Variants in RHOH observed in about 807,000 individuals in gnomAD.
The protein encoded by RHOH is rho-related GTP-binding protein RhoH.
A neutral mutation model predicts 13.8 loss-of-function variants in RHOH; 6 were observed. The ratio of observed to expected loss-of-function variants is 0.44; its 90% CI spans 0.24 to 0.86. The LOEUF is 0.86. RHOH is among the 40% of genes least tolerant of loss of function. The pLI is 0.24. For synonymous variants in RHOH, 117 were observed against 103.0 expected (o/e 1.14, Z -0.82); for missense variants, 147 against 244.5 (o/e 0.60, Z 2.66).
chr4:40,223,539 T>G (rs1015980226), intron 1 of RHOH, among the ~76,000 whole-genome samples: 3 of 145,176 alleles, frequency 2.1e-5, no homozygotes, highest in African/African-American at 7.6e-5. Context: ...GGTGCAATCA[T>G]AGCTCACTGT....
intron 1 of RHOH, 99 bp downstream of exon 1, chr4:40,197,399 T>C (rs2109340287): frequency 6.6e-6 from 1 of 151,914 alleles, no homozygotes; most frequent in Admixed American, 6.6e-5. Context: ...GTAATGACTC[T>C]GAGCTACCTG....
At chr4:40,238,747 T>C (rs577504948) in intron 1 of RHOH, among the ~76,000 whole-genome samples, 1 of 152,336 alleles carries the variant, frequency 6.6e-6, no homozygotes, top group East Asian at 1.9e-4. Context: ...CCACTCAGTG[T>C]CATCACCCAT....
chr4:40,239,573 A>T (rs6831752), intron 1 of RHOH, among the ~76,000 whole-genome samples: 1 of 152,148 alleles, frequency 6.6e-6, no homozygotes, highest in African/African-American at 2.4e-5. Flanking sequence ...TATATTATGC[A>T]CCTGCTAAGA....
intron 1 of RHOH, among the ~76,000 whole-genome samples, chr4:40,202,055 A>G (rs912663141): frequency 1.3e-4 from 18 of 141,088 alleles, no homozygotes; most frequent in African/African-American, 4.5e-4. Flanking sequence ...TGCTCATTTG[A>G]TCCTCCTGCC....
upstream of RHOH, among the ~76,000 whole-genome samples, chr4:40,192,403 C>T (rs1035085766): frequency 6.6e-6 from 1 of 152,186 alleles, no homozygotes; most frequent in Non-Finnish European, 1.5e-5. Flanking sequence ...AGGCATCTTA[C>T]TAACCCAGCG....
At position 40,210,089 on chromosome 4, in the gene RHOH, C is replaced by CGTGTGTGTGTGTGT. The variant is rs5857717; in HGVS notation, c.-331+12810_-331+12823dup. Among the ~76,000 whole-genome samples, 98 of 145,548 alleles carry CGTGTGTGTGTGTGT rather than the reference C, an allele frequency of 6.7e-4. No individual in the cohort carries two copies. In the Middle Eastern group the frequency reaches 0.014, roughly 21 times the overall value. On this transcript the variant is annotated intron_variant, in intron 1 of 2. Transcript: ENST00000381799. Reference sequence around the variant, plus strand: ...GTAATATTCCTGATTACATTGTGTGCGTGTGTGTGTGTGTGTGTGTGTGTG... The same window carrying CGTGTGTGTGTGTGT: ...GTAATATTCCTGATTACATTGTGTGCGTGTGTGTGTGTGTGTGTGTGTGTGTGTGTGTGTGTGTG...
At chr4:40,232,851 C>A (rs1397659988) in intron 1 of RHOH, among the ~76,000 whole-genome samples, 1 of 152,176 alleles carries the variant, frequency 6.6e-6, no homozygotes, top group Admixed American at 6.5e-5. Context: ...CCTTTCTTCT[C>A]TGTTGCTTAT....
chr4:40,196,488 G>A (rs927447570), upstream of RHOH, among the ~76,000 whole-genome samples: 9 of 152,116 alleles, frequency 5.9e-5, no homozygotes, highest in Admixed American at 4.6e-4. Flanking sequence ...CCAGGTGCTC[G>A]TCCATACAGG....
chr4:40,207,099 C>T (rs1005330500), intron 1 of RHOH, among the ~76,000 whole-genome samples: 3 of 151,526 alleles, frequency 2.0e-5, no homozygotes, highest in South Asian at 4.2e-4. Context: ...CCCAGCTACT[C>T]GGGAGGCTGA....
chr4:40,213,970 T>G (rs989072035), intron 1 of RHOH, among the ~76,000 whole-genome samples: 2 of 152,178 alleles, frequency 1.3e-5, no homozygotes, highest in Non-Finnish European at 2.9e-5. Flanking sequence ...TTGGCCAGAC[T>G]GCTCTCAAAC....
intron 1 of RHOH, among the ~76,000 whole-genome samples, chr4:40,207,229 C>T (rs1394756885): frequency 1.3e-5 from 2 of 151,704 alleles, no homozygotes; most frequent in African/African-American, 4.8e-5. Flanking sequence ...AAGTCATCAT[C>T]CCAGTGTTTT....
intron 1 of RHOH, among the ~76,000 whole-genome samples, chr4:40,228,459 A>T (rs1579305931): frequency 1.3e-5 from 2 of 152,218 alleles, no homozygotes; most frequent in East Asian, 3.8e-4. Context: ...TAGGGAGGTC[A>T]TCTTCAATCT....
At chr4:40,201,596 T>C (rs539244327) in intron 1 of RHOH, among the ~76,000 whole-genome samples, 5 of 152,298 alleles carry the variant, frequency 3.3e-5, no homozygotes, top group Non-Finnish European at 4.4e-5. Context: ...TGGCTTGAAA[T>C]TGGCTATGGT....
At chr4:40,215,149 C>G (rs1321847915) in intron 1 of RHOH, among the ~76,000 whole-genome samples, 1 of 152,150 alleles carries the variant, frequency 6.6e-6, no homozygotes, top group East Asian at 1.9e-4. Context: ...AACTGCAACA[C>G]CATATGTCCA....
intron 1 of RHOH, among the ~76,000 whole-genome samples, chr4:40,227,297 A>G (rs146199044): frequency 1.3e-5 from 2 of 152,372 alleles, no homozygotes; most frequent in East Asian, 3.9e-4. Context: ...ATAATTTGGC[A>G]TGTCTATCTA....
At chr4:40,232,523 G>C (rs561917705) in intron 1 of RHOH, among the ~76,000 whole-genome samples, 11 of 152,256 alleles carry the variant, frequency 7.2e-5, no homozygotes, top group African/African-American at 2.6e-4. Context: ...CCAAAGTGCT[G>C]GGATTATAGG....
intron 1 of RHOH, among the ~76,000 whole-genome samples, chr4:40,213,740 CT>C (rs1228104709): frequency 6.6e-6 from 1 of 151,930 alleles, no homozygotes. Context: ...AATTTTCCTT[CT>C]TCTAGTTCCT....
intron 1 of RHOH, among the ~76,000 whole-genome samples, chr4:40,232,170 G>A (rs1728020378): frequency 6.6e-6 from 1 of 152,226 alleles, no homozygotes; most frequent in Non-Finnish European, 1.5e-5. Flanking sequence ...GCCTGACACA[G>A]AGTAGGTGCT....
chr4:40,193,334 A>C (rs2109326070), upstream of RHOH, among the ~76,000 whole-genome samples: 1 of 152,292 alleles, frequency 6.6e-6, no homozygotes, highest in African/African-American at 2.4e-5. Context: ...ACCCCATCCC[A>C]AGGACAGACT....
Sources: allele counts gnomAD v4.1 joint callset (sites outside exome capture counted in the v4.1 genomes callset), GRCh38; gene constraint gnomAD v4.1.1; transcripts MANE v1.5; gene names NCBI Gene and HGNC (gene_info 2026-07-23, HGNC 2026-07-21).